CD109: variants seen among roughly 807,000 people sequenced by gnomAD.
CD109 encodes CD109 molecule.
Under a neutral mutation model 165.8 loss-of-function variants are expected in CD109, and 149 were observed. That is an observed-to-expected ratio of 0.90 (90% CI 0.79 to 1.03). The LOEUF (loss-of-function observed/expected upper bound fraction) is 1.03. Ranked by LOEUF, CD109 falls within the 50% of genes least tolerant of loss-of-function variation. CD109 has a pLI of 0.00. For synonymous variants in CD109, 585 were observed against 592.1 expected, an observed-to-expected ratio of 0.99 and a Z score of 0.18; for missense variants, 1,712 against 1,677.8, an observed-to-expected ratio of 1.02 and a Z score of -0.36.
At chr6:73,766,262 C>T (rs1773841061) in intron 11 of CD109, 108 bp downstream of exon 11, 1 of 829,680 alleles carries the variant, frequency 1.2e-6, no homozygotes, top group African/African-American at 1.7e-5. Context: ...GAAGTGGACA[C>T]ATGTTTCTGT....
At position 73,781,265 on chromosome 6, in the gene CD109, G is replaced by A. The variant is rs1224179466; in HGVS notation, c.1909G>A (p.Gly637Arg). The A allele has an allele frequency of 2.5e-6, 4 of 1,611,512 alleles. No individual in the cohort carries two copies. The Admixed American group carries it at 6.7e-5, about 27-fold the overall frequency. The change falls in exon 17 of 33, where the codon GGA becomes AGA. Residue 637 changes from glycine (G) to arginine (R), a missense_variant. Coordinates refer to ENST00000287097, the MANE Select transcript of CD109 (RefSeq NM_133493.5). ...MNSFAVFQECGLWVLTDANLT... is the reference protein window; with the variant it reads ...MNSFAVFQECRLWVLTDANLT... The stretch of plus-strand genomic sequence containing the variant: ...TAAAAATTATTCTTTTTAGGAATGT[G>A]GACTCTGGGTATTGACAGATGCAAA...
chr6:73,682,892 AG>A, the CD109 span, among the ~76,000 whole-genome samples: 4 of 152,314 alleles, frequency 2.6e-5, no homozygotes, highest in East Asian at 7.7e-4. Context: ...GGCCCCTTTT[AG>A]CCACTGCTAG....
chr6:73,785,041 A>G (rs1774636241), intron 19 of CD109, among the ~76,000 whole-genome samples: 1 of 152,180 alleles, frequency 6.6e-6, no homozygotes, highest in Admixed American at 6.5e-5. Flanking sequence ...AATCTCAAAA[A>G]TTTAATTTTC....
rs149240285 is a variant in CD109, at chr6:73,697,340, C to T, written c.75-60C>T. 462 of 1,524,124 alleles carry T rather than the reference C, an allele frequency of 3.0e-4. 5 individuals carry two copies. The African/African-American group carries it at 5.8e-3, about 19-fold the overall frequency. 94.4% of individuals were successfully genotyped at this position (1,524,124 alleles called of 1,614,324 possible). ...ATCGCACTAGGAAATCTGAGGGTCA[C>T]AAAAGAAAGGAGATGTGAGGATAAG... On this transcript the variant is annotated intron_variant, in intron 1 of 32. Coordinates refer to ENST00000287097, the MANE Select transcript of CD109 (RefSeq NM_133493.5).
chr6:73,687,962 T>C, the CD109 span, among the ~76,000 whole-genome samples: 105 of 152,334 alleles, frequency 6.9e-4, no homozygotes, highest in African/African-American at 2.4e-3. Flanking sequence ...TCTTTGCTTA[T>C]TAATAGATTA....
intron 2 of CD109, among the ~76,000 whole-genome samples, chr6:73,721,981 C>T (rs1771969532): frequency 6.6e-6 from 1 of 152,164 alleles, no homozygotes; most frequent in African/African-American, 2.4e-5. Flanking sequence ...GGTGTTCTGT[C>T]TGCCTCAGTC....
intron 15 of CD109, among the ~76,000 whole-genome samples, chr6:73,779,805 C>T (rs1473244582): frequency 6.6e-6 from 1 of 151,708 alleles, no homozygotes; most frequent in Non-Finnish European, 1.5e-5. Context: ...GACAGTTTTA[C>T]TCTTTTAGCC....
At position 73,824,763 on chromosome 6, in the gene CD109, A is replaced by G. The variant is rs1407697793; in HGVS notation, c.*1130A>G. 6 of 152,200 alleles carry G rather than the reference A, an allele frequency of 3.9e-5. No homozygotes were observed. Among genetic ancestry groups the G allele is most frequent in the African/African-American group, 1.4e-4 (6 of 41,452 alleles). 9.4% of individuals were successfully genotyped at this position (152,200 alleles called of 1,614,324 possible). Reference sequence around the variant, plus strand: ...ATTGCCCTGTATTCCGAAGGGTAATATAATTTATCTGGATGGAAATTTTAA... The same window carrying G: ...ATTGCCCTGTATTCCGAAGGGTAATGTAATTTATCTGGATGGAAATTTTAA... On this transcript the variant is annotated 3_prime_UTR_variant, in exon 33 of 33. Coordinates refer to ENST00000287097, the MANE Select transcript of CD109 (RefSeq NM_133493.5).
chr6:73,814,421 C>CAGTGTGT (rs1165975116), intron 29 of CD109, among the ~76,000 whole-genome samples: 1 of 152,040 alleles, frequency 6.6e-6, no homozygotes, highest in Non-Finnish European at 1.5e-5. Context: ...GTCTACGGCA[C>CAGTGTGT]CTTTAACATC....
intron 24 of CD109, among the ~76,000 whole-genome samples, chr6:73,805,350 A>C (rs1285244502): frequency 6.6e-6 from 1 of 152,252 alleles, no homozygotes; most frequent in South Asian, 2.1e-4. Flanking sequence ...ATGCATACAC[A>C]TAAACATCTC....
intron 8 of CD109, 106 bp from the exon 9 acceptor site, chr6:73,762,635 T>A (rs1450186566): frequency 9.8e-7 from 1 of 1,021,808 alleles, no homozygotes; most frequent in Non-Finnish European, 1.4e-6. Context: ...TTATAGCGAT[T>A]AAAATGGTAC....
At chr6:73,694,858 G>A (rs1167514594), upstream of CD109, 1 of 152,274 alleles carries the variant, frequency 6.6e-6, no homozygotes, top group African/African-American at 2.4e-5. Context: ...AGCACCCAGG[G>A]ATCCACACAG....
Position 73,782,601 on chromosome 6 carries a change from T to G in CD109, c.1964-13T>G. On this transcript the variant is annotated splice_polypyrimidine_tract_variant and intron_variant, in intron 17 of 32. Transcript: ENST00000287097. ...TGACTGTTTTTCTAACTACTGTCAA[T>G]GTTTATTTATAGATGACAATGCAGA... The G allele has an allele frequency of 6.2e-7, 1 of 1,607,140 alleles. No homozygotes were observed. Among genetic ancestry groups the G allele is most frequent in the Non-Finnish European group, 8.5e-7 (1 of 1,174,932 alleles).
chr6:73,821,802 AG>A, intron 32 of CD109, among the ~76,000 whole-genome samples: 1 of 152,210 alleles, frequency 6.6e-6, no homozygotes, highest in Non-Finnish European at 1.5e-5. Context: ...CAGGATCAAT[AG>A]AAGCCCAAAC....
At chr6:73,770,257 T>G (rs1247936607) in intron 14 of CD109, among the ~76,000 whole-genome samples, 4 of 151,986 alleles carry the variant, frequency 2.6e-5, no homozygotes, top group South Asian at 2.1e-4. Flanking sequence ...TCTCAGAGAG[T>G]TGGAGAAAGA....
chr6:73,759,012 G>T lies in CD109; in HGVS notation c.742G>T (p.Gly248Cys). ...TTCTATGAATTCTAAGCATTTAAAT[G>T]GTACCATCACGGCAAAGTAAGTGTC... ...YCSMNSKHLNGTITAKYTYGK... is the reference protein window; with the variant it reads ...YCSMNSKHLNCTITAKYTYGK... The change falls in exon 7 of 33, where the codon GGT (glycine) becomes TGT (cysteine). Residue 248 changes from glycine (G) to cysteine (C), a missense_variant. Coordinates refer to ENST00000287097, the MANE Select transcript of CD109 (RefSeq NM_133493.5). 1 of 1,601,122 alleles carries T rather than the reference G, an allele frequency of 6.2e-7. No individual in the cohort carries two copies. Among genetic ancestry groups the T allele is most frequent in the East Asian group, 2.2e-5 (1 of 44,720 alleles).
chr6:73,696,356 A>G (rs1391251077), intron 1 of CD109, 67 bp downstream of exon 1: 8 of 1,291,192 alleles, frequency 6.2e-6, no homozygotes, highest in South Asian at 1.9e-5. Context: ...GCTCTGGGCC[A>G]GGGCTTCGGG....
chr6:73,758,280 T>C (rs1178646820), intron 6 of CD109, among the ~76,000 whole-genome samples: 2 of 152,152 alleles, frequency 1.3e-5, no homozygotes, highest in African/African-American at 2.4e-5. Context: ...CAGAGAACTA[T>C]AGAAAAAAAG....
At position 73,823,482 on chromosome 6, in the gene CD109, A is replaced by G. The variant is rs767037931; in HGVS notation, c.4187A>G (p.Asn1396Ser). 6.2e-7 allele frequency: 1 copy of G among 1,612,814 alleles called. No individual in the cohort carries two copies. The highest frequency in any genetic ancestry group is 1.7e-5 in the Admixed American group (1 of 59,968). ...GGGAGACAGGCGGTGAGAAGTTACA[A>G]CTCTGAAGTGAAGCTGTCCTCCTGT... is the stretch of plus-strand genomic sequence containing the variant. ...EPRRQAVRSY[N>S]SEVKLSSCDL... The change falls in exon 33 of 33, where the codon AAC becomes AGC. Residue 1396 changes from asparagine (N) to serine (S), a missense_variant. Asn to Ser is a conservative substitution (Grantham distance 46). Transcript: ENST00000287097.
Sources: allele counts gnomAD v4.1 joint callset (sites outside exome capture counted in the v4.1 genomes callset), GRCh38; gene constraint gnomAD v4.1.1; transcripts MANE v1.5; gene names NCBI Gene and HGNC (gene_info 2026-07-23, HGNC 2026-07-21).